The following CRISPLD2 variants were observed in gnomAD, a reference collection of about 807,000 sequenced individuals.
CRISPLD2 encodes cysteine-rich secretory protein LCCL domain-containing 2.
CRISPLD2 carries 47 observed loss-of-function variants against 71.1 expected under a neutral mutation model. That is an observed-to-expected ratio of 0.66 (90% CI 0.52 to 0.84). The LOEUF is 0.84. Among genes scored for constraint, CRISPLD2 ranks in the 40% least tolerant of loss-of-function variants. The probability of loss-of-function intolerance (pLI) is 0.00; values close to 1 mark genes in which losing one functional copy is unlikely to be tolerated. For synonymous variants in CRISPLD2, 317 were observed against 250.1 expected, an observed-to-expected ratio of 1.27 and a Z score of -2.52; for missense variants, 830 against 651.1, an observed-to-expected ratio of 1.27 and a Z score of -2.99.
intron 1 of CRISPLD2, among the ~76,000 whole-genome samples, chr16:84,825,166 G>T (rs1916320681): frequency 6.6e-6 from 1 of 152,070 alleles, no homozygotes; most frequent in South Asian, 2.1e-4. Flanking sequence ...GCAAAACTTG[G>T]GAAGGGGGAT....
At chr16:84,821,078 C>T (rs1234344938) in intron 1 of CRISPLD2, among the ~76,000 whole-genome samples, 2 of 152,330 alleles carry the variant, frequency 1.3e-5, no homozygotes, top group South Asian at 2.1e-4. Flanking sequence ...AGAAGCATCC[C>T]GTGCAAATGC....
At chr16:84,857,017 T>G (rs574378156) in intron 6 of CRISPLD2, among the ~76,000 whole-genome samples, 1 of 152,200 alleles carries the variant, frequency 6.6e-6, no homozygotes, top group Non-Finnish European at 1.5e-5. Flanking sequence ...CTCTGCACTT[T>G]CTGTGATGGA....
At chr16:84,899,370 A>C (rs893281408) in intron 14 of CRISPLD2, among the ~76,000 whole-genome samples, 1 of 152,220 alleles carries the variant, frequency 6.6e-6, no homozygotes, top group Admixed American at 6.5e-5. Flanking sequence ...TCAGAGGGCA[A>C]GATTTGGGAA....
At position 84,908,824 on chromosome 16, in the gene CRISPLD2, G is replaced by T. The variant is rs1376836666; in HGVS notation, c.*2182G>T. ...ATGCATCAGCCTCCCAAGTACCTGG[G>T]ACTACAGGCGTGAGCTACCATGCCC... On this transcript the variant is annotated 3_prime_UTR_variant, in exon 15 of 15. Coordinates refer to ENST00000262424, the MANE Select transcript of CRISPLD2 (RefSeq NM_031476.4). 6.6e-6 allele frequency: 1 copy of T among 151,988 alleles called. No homozygotes were observed. Among genetic ancestry groups the T allele is most frequent in the African/African-American group, 2.4e-5 (1 of 41,328 alleles). The allele number at this position is 151,988 out of a possible 1,614,324, so 9.4% of individuals were successfully genotyped here.
chr16:84,844,585 A>C (rs1406014740), intron 2 of CRISPLD2, among the ~76,000 whole-genome samples: 2 of 151,174 alleles, frequency 1.3e-5, no homozygotes, highest in East Asian at 3.9e-4. Flanking sequence ...CGGGTCTCCA[A>C]CTCCTGACCT....
intron 13 of CRISPLD2, among the ~76,000 whole-genome samples, chr16:84,883,699 C>T (rs1015265755): frequency 3.3e-5 from 5 of 152,304 alleles, no homozygotes; most frequent in African/African-American, 9.6e-5. Context: ...ATGTTGAGGA[C>T]CACTGGGCTA....
At chr16:84,831,997 C>T (rs752688216) in intron 1 of CRISPLD2, among the ~76,000 whole-genome samples, 2 of 152,362 alleles carry the variant, frequency 1.3e-5, no homozygotes, top group South Asian at 2.1e-4. Context: ...GGCCTCCCAA[C>T]GTTCTGGGAT....
At chr16:84,845,257 G>T (rs1247002787) in intron 2 of CRISPLD2, among the ~76,000 whole-genome samples, 2 of 152,218 alleles carry the variant, frequency 1.3e-5, no homozygotes, top group African/African-American at 4.8e-5. Flanking sequence ...CTGTTAGAAT[G>T]CAATGAAAAG....
At chr16:84,878,524 A>C (rs925888345) in intron 12 of CRISPLD2, among the ~76,000 whole-genome samples, 18 of 152,152 alleles carry the variant, frequency 1.2e-4, no homozygotes, top group Non-Finnish European at 2.4e-4. Flanking sequence ...TATTCTTTCA[A>C]ATCCTCATGC....
intron 5 of CRISPLD2, among the ~76,000 whole-genome samples, chr16:84,851,136 C>G (rs1187988179): frequency 6.6e-6 from 1 of 152,228 alleles, no homozygotes; most frequent in East Asian, 1.9e-4. Context: ...GCTGGGCAAC[C>G]AGCATGGTCT....
At chr16:84,824,209 G>C (rs954768296) in intron 1 of CRISPLD2, among the ~76,000 whole-genome samples, 1 of 152,190 alleles carries the variant, frequency 6.6e-6, no homozygotes, top group Non-Finnish European at 1.5e-5. Flanking sequence ...GGGACTCTTG[G>C]AGAATGGCAG....
chr16:84,889,153 G>T, intron 13 of CRISPLD2, 77 bp from the exon 14 acceptor site: 1 of 1,601,282 alleles, frequency 6.2e-7, no homozygotes, highest in South Asian at 1.1e-5. Context: ...GCCCAGCAGT[G>T]AATGATGGAG....
At chr16:84,891,283 T>G (rs933796437) in intron 14 of CRISPLD2, among the ~76,000 whole-genome samples, 1 of 152,344 alleles carries the variant, frequency 6.6e-6, no homozygotes, top group Admixed American at 6.5e-5. Context: ...TCCTGCCTCC[T>G]GGGACACGGC....
At chr16:84,826,761 A>G (rs1325035636) in intron 1 of CRISPLD2, among the ~76,000 whole-genome samples, 3 of 152,268 alleles carry the variant, frequency 2.0e-5, no homozygotes, top group South Asian at 2.1e-4. Flanking sequence ...TGCGGGTCCA[A>G]GGGGGAGGCC....
chr16:84,902,653 A>G (rs975238595), intron 14 of CRISPLD2, among the ~76,000 whole-genome samples: 1 of 151,404 alleles, frequency 6.6e-6, no homozygotes, highest in African/African-American at 2.4e-5. Context: ...CGTCCCAGTT[A>G]CTTTTCTTGT....
At chr16:84,889,115 A>G (rs2071638340) in intron 13 of CRISPLD2, 115 bp from the exon 14 acceptor site, 1 of 1,295,378 alleles carries the variant, frequency 7.7e-7, no homozygotes, top group East Asian at 2.3e-5. Flanking sequence ...CTAAGGGTTG[A>G]TGGGGTCCAC....
chr16:84,820,904 G>T (rs1450632753), intron 1 of CRISPLD2, among the ~76,000 whole-genome samples: 1 of 152,212 alleles, frequency 6.6e-6, no homozygotes, highest in Non-Finnish European at 1.5e-5. Context: ...GTCCCACGTG[G>T]ACAGAGCCAG....
At chr16:84,829,310 T>G (rs1252981384) in intron 1 of CRISPLD2, 1 of 152,114 alleles carries the variant, frequency 6.6e-6, no homozygotes, top group Non-Finnish European at 1.5e-5. Context: ...CAGGCTGCAG[T>G]GAGTAGGGGA....
rs993974139 is a variant in CRISPLD2 at position 84,890,480 on chromosome 16, CTG to C, written c.1439+1120_1439+1121del. On this transcript the variant is annotated intron_variant, in intron 14 of 14. Coordinates refer to ENST00000262424, the MANE Select transcript of CRISPLD2 (RefSeq NM_031476.4). ...TATGACCATAAGTCATTGGTAGTGA[CTG>C]TGAATGACTGTAGCGCGTTTCTCTT... Among the ~76,000 whole-genome samples, 11 of 152,172 alleles carry C rather than the reference CTG, an allele frequency of 7.2e-5. 1 individual carries two copies. Among genetic ancestry groups the C allele is most frequent in the Admixed American group, 7.2e-4 (11 of 15,282 alleles).
Sources: allele counts gnomAD v4.1 joint callset (sites outside exome capture counted in the v4.1 genomes callset), GRCh38; gene constraint gnomAD v4.1.1; transcripts MANE v1.5; gene names NCBI Gene and HGNC (gene_info 2026-07-23, HGNC 2026-07-21).